Variants in EPHA10 observed in about 807,000 individuals in gnomAD.
The protein encoded by EPHA10 is EPH receptor A10.
Under a neutral mutation model 109.7 loss-of-function variants are expected in EPHA10, and 120 were observed. The observed-to-expected ratio is 1.09, with a 90% CI of 0.94 to 1.27. The LOEUF is 1.27. EPHA10 is among the 50% of genes most tolerant of loss of function. The pLI, the probability that EPHA10 is intolerant of heterozygous loss-of-function variation, is 0.00. For synonymous variants in EPHA10, 640 were observed against 618.9 expected (o/e 1.03, Z -0.51); for missense variants, 1,396 against 1,411.1 (o/e 0.99, Z 0.17).
intron 3 of EPHA10, among the ~76,000 whole-genome samples, chr1:37,756,025 G>A (rs1209582714): frequency 1.3e-5 from 2 of 152,200 alleles, no homozygotes; most frequent in Non-Finnish European, 1.5e-5. Context: ...ATAGGTTTGA[G>A]AGGGTCCATC....
intron 8 of EPHA10, among the ~76,000 whole-genome samples, chr1:37,724,366 G>A (rs1307896181): frequency 1.4e-4 from 22 of 152,074 alleles, no homozygotes; most frequent in Admixed American, 1.4e-3. Context: ...CGTTCGACGT[G>A]TGTGTGTGTG....
rs1174063623 is a variant in EPHA10 at position 37,723,369 on chromosome 1, G to A, written c.1776C>T (p.Pro592=). 6.2e-7 allele frequency: 1 copy of A among 1,614,132 alleles called. No homozygotes were observed. The highest frequency in any genetic ancestry group is 8.5e-7 in the Non-Finnish European group (1 of 1,180,002). Residue 592 remains proline (P), a synonymous_variant, in exon 9 of 17, where the codon CCC becomes CCT. Transcript: ENST00000373048. The stretch of plus-strand genomic sequence containing the variant: ...CCCCTCCTCCTTTGCCATAGCTGCA[G>A]GGCCTGGCAGGGAGTTCAGGGTCAT... The part of the protein sequence containing the change: ...VMSVLAIWRR[P]CSYGKGGGDA...
intron 3 of EPHA10, among the ~76,000 whole-genome samples, chr1:37,757,738 G>A (rs1646401528): frequency 6.6e-6 from 1 of 151,956 alleles, no homozygotes; most frequent in African/African-American, 2.4e-5. Flanking sequence ...CATTCATTCA[G>A]CAAATATTTT....
intron 3 of EPHA10, among the ~76,000 whole-genome samples, chr1:37,757,144 C>T (rs571072794): frequency 3.3e-5 from 5 of 152,158 alleles, no homozygotes; most frequent in Non-Finnish European, 5.9e-5. Context: ...AGAATTAAAG[C>T]TACTTGTTAT....
chr1:37,724,650 G>GA (rs997312878), intron 8 of EPHA10, among the ~76,000 whole-genome samples: 7 of 152,200 alleles, frequency 4.6e-5, no homozygotes, highest in Non-Finnish European at 1.0e-4. Flanking sequence ...GTACAAGGAT[G>GA]AGAGACCAAG....
rs764364418 is a variant in EPHA10, at chr1:37,733,188, C to T, written c.1492-1606G>A. Among the ~76,000 whole-genome samples the T allele has an allele frequency of 8.6e-5, 13 of 151,658 alleles. No individual in the cohort carries two copies. In the South Asian group the frequency reaches 1.3e-3, roughly 15 times the overall value. On this transcript the variant is annotated intron_variant, in intron 6 of 16. Transcript: ENST00000373048. Reference sequence around the variant, plus strand: ...GATTACAGGCGTGCACCACCACGCCCGGACTTGTTCCTTCTTTTTTGTTGT... The same window carrying T: ...GATTACAGGCGTGCACCACCACGCCTGGACTTGTTCCTTCTTTTTTGTTGT...
intron 5 of EPHA10, among the ~76,000 whole-genome samples, chr1:37,740,863 G>T (rs1302555771): frequency 6.6e-6 from 1 of 152,062 alleles, no homozygotes; most frequent in Non-Finnish European, 1.5e-5. Flanking sequence ...TAAGGTGAAG[G>T]GATGAAACTG....
chr1:37,720,334 G>C lies in EPHA10; in HGVS notation c.2412+17C>G. 6.3e-7 allele frequency: 1 copy of C among 1,582,616 alleles called. No individual in the cohort carries two copies. Among genetic ancestry groups the C allele is most frequent in the Non-Finnish European group, 8.6e-7 (1 of 1,164,346 alleles). ...GAACCAGAAGGCACAGGCAGGCTTG[G>C]CTGGGGGCGCCCTCACCATAGTGGT... On this transcript the variant is annotated intron_variant, in intron 13 of 16. Coordinates refer to ENST00000373048, the MANE Select transcript of EPHA10 (RefSeq NM_001099439.2).
intron 3 of EPHA10, among the ~76,000 whole-genome samples, chr1:37,756,357 T>A (rs2148368203): frequency 6.6e-6 from 1 of 152,316 alleles, no homozygotes; most frequent in South Asian, 2.1e-4. Context: ...AGGGGAAGAA[T>A]GCTGGAGGCT....
intron 7 of EPHA10, 55 bp downstream of exon 7, chr1:37,731,356 C>A (rs1335840569): frequency 6.7e-7 from 1 of 1,492,492 alleles, no homozygotes; most frequent in Non-Finnish European, 9.0e-7. Flanking sequence ...CCTACCTCAG[C>A]CCCGTGCAGG....
Position 37,752,871 on chromosome 1 carries a change from C to A in EPHA10, c.1357+5G>T. 1 of 1,276,578 alleles carries A rather than the reference C, an allele frequency of 7.8e-7. No individual in the cohort carries two copies. The highest frequency in any genetic ancestry group is 9.9e-7 in the Non-Finnish European group (1 of 1,013,474). The allele number at this position is 1,276,578 out of a possible 1,614,324, so 79.1% of individuals were successfully genotyped here. On this transcript the variant is annotated splice_donor_5th_base_variant and intron_variant, in intron 5 of 16. Coordinates refer to ENST00000373048, the MANE Select transcript of EPHA10 (RefSeq NM_001099439.2). ...CCTCGGGGTGGGGGGCGCGGACGGC[C>A]TTACCCCCGGGCCCGGTGGAGACGG...
intron 7 of EPHA10, among the ~76,000 whole-genome samples, chr1:37,730,480 T>G (rs1645963340): frequency 6.6e-6 from 1 of 152,110 alleles, no homozygotes; most frequent in South Asian, 2.1e-4. Flanking sequence ...ACAGCTAAAC[T>G]GCTGTGCACA....
intron 3 of EPHA10, among the ~76,000 whole-genome samples, chr1:37,755,858 C>T (rs1646389001): frequency 6.6e-6 from 1 of 152,172 alleles, no homozygotes. Context: ...GTGGTCCTCA[C>T]CTTGTTCCCT....
At chr1:37,738,589 G>A (rs954173645) in intron 5 of EPHA10, among the ~76,000 whole-genome samples, 3 of 152,136 alleles carry the variant, frequency 2.0e-5, no homozygotes, top group Admixed American at 6.5e-5. Flanking sequence ...AGCTGCTATG[G>A]AAAACAATAT....
At chr1:37,761,100 A>C (rs1646425899) in intron 3 of EPHA10, 6 of 1,180,784 alleles carry the variant, frequency 5.1e-6, no homozygotes, top group Middle Eastern at 3.3e-4. Context: ...AAAAAAAAAA[A>C]AAAACAATGA....
chr1:37,761,748 G>C lies in EPHA10; in HGVS notation c.507C>G (p.Arg169=), dbSNP rs919855940. Residue 169 remains arginine, a synonymous_variant, in exon 3 of 17, where the codon CGC becomes CGG. Transcript: ENST00000373048. ...ESFTQGDLGE[R]KMKLNTEVRE... ...GCACCTCTGTGTTCAGCTTCATCTT[G>C]CGCTCACCCAGGTCGCCCTGCGTGA... 1 of 1,613,808 alleles carries C rather than the reference G, an allele frequency of 6.2e-7. No individual in the cohort carries two copies. The highest frequency in any genetic ancestry group is 1.6e-4 in the Middle Eastern group (1 of 6,062).
chr1:37,722,665 C>T, intron 10 of EPHA10: 1 of 373,502 alleles, frequency 2.7e-6, no homozygotes, highest in Non-Finnish European at 5.2e-6. Context: ...AGGGCCATGA[C>T]CCTGATCATG....
At chr1:37,731,665 C>T in intron 6 of EPHA10, 83 bp from the exon 7 acceptor site, 1 of 1,429,346 alleles carries the variant, frequency 7.0e-7, no homozygotes, top group Non-Finnish European at 9.4e-7. Context: ...AACAGGGAGG[C>T]AGGAGAAGCG....
chr1:37,752,269 G>T (rs115286438), intron 5 of EPHA10, among the ~76,000 whole-genome samples: 1,534 of 152,230 alleles, frequency 0.01, 26 homozygotes, highest in African/African-American at 0.035. Flanking sequence ...GAGATGTATT[G>T]GCTGGTGTGT....
Sources: allele counts gnomAD v4.1 joint callset (sites outside exome capture counted in the v4.1 genomes callset), GRCh38; gene constraint gnomAD v4.1.1; transcripts MANE v1.5; gene names NCBI Gene and HGNC (gene_info 2026-07-23, HGNC 2026-07-21).